OR8H2: variants seen among roughly 807,000 people sequenced by gnomAD.
OR8H2 encodes the protein olfactory receptor 8H2.
For synonymous variants in OR8H2, 157 were observed against 139.2 expected (o/e 1.13, Z -0.90); for missense variants, 374 against 371.1 (o/e 1.01, Z -0.06).
chr11:56,105,414 A>C lies in OR8H2; in HGVS notation c.372A>C (p.Ala124=). 6.2e-7 allele frequency: 1 copy of C among 1,614,150 alleles called. No homozygotes were observed. The highest frequency in any genetic ancestry group is 8.5e-7 in the Non-Finnish European group (1 of 1,180,026). The change falls in exon 2 of 2, where the codon GCA becomes GCC. Residue 124 remains alanine, a synonymous_variant. Coordinates refer to ENST00000313503, the MANE Select transcript of OR8H2 (RefSeq NM_001386064.1). ...CCTCAATGGCCCATGATCGCTATGC[A>C]GCGATCTGCAGTCCTCTACACTACA... ...LLSSMAHDRY[A]AICSPLHYTV... is the part of the protein sequence containing the mutation.
chr11:56,105,497 G>A lies in OR8H2; in HGVS notation c.455G>A (p.Gly152Asp). 1 of 1,614,114 alleles carries A rather than the reference G, an allele frequency of 6.2e-7. No individual in the cohort carries two copies. Among genetic ancestry groups the A allele is most frequent in the Non-Finnish European group, 8.5e-7 (1 of 1,180,010 alleles). Residue 152 changes from glycine to aspartate, a missense_variant, in exon 2 of 2, where the codon GGC (glycine) becomes GAC (aspartate). Coordinates refer to ENST00000313503, the MANE Select transcript of OR8H2 (RefSeq NM_001386064.1). ...LALITGPYVI[G>D]FIDSFVNVVS... ...CTCATCACTGGGCCTTATGTGATTG[G>A]CTTTATAGACTCCTTTGTCAACGTG...
In OR8H2 at chr11:56,105,958, C is replaced by T. The variant is rs1398749208; in HGVS notation, c.916C>T (p.Gln306Ter). ...EVKNAVIRVM[Q>*]RRQDSR is the part of the protein sequence containing the mutation. Reference sequence around the variant, plus strand: ...GAAAAATGCTGTCATCAGAGTCATGCAGAGAAGACAGGACTCCAGGTAATT... The same window carrying T: ...GAAAAATGCTGTCATCAGAGTCATGTAGAGAAGACAGGACTCCAGGTAATT... Residue 306 changes from glutamine (Q) to a stop codon, truncating the protein, a stop_gained, in exon 2 of 2, where the codon CAG becomes TAG. Transcript: ENST00000313503. LOFTEE classifies it low-confidence loss of function (END_TRUNC). 1.8e-5 allele frequency: 28 copies of T among 1,576,940 alleles called. No homozygotes were observed. The highest frequency in any genetic ancestry group is 2.2e-5 in the Non-Finnish European group (25 of 1,161,910).
Position 56,104,881 on chromosome 11 carries a change from C to A in OR8H2, c.-162C>A. The A allele has an allele frequency of 1.7e-6, 1 of 578,758 alleles. No individual in the cohort carries two copies. Among genetic ancestry groups the A allele is most frequent in the Non-Finnish European group, 3.0e-6 (1 of 336,248 alleles). 35.9% of individuals were successfully genotyped at this position (578,758 alleles called of 1,614,324 possible). On this transcript the variant is annotated 5_prime_UTR_variant, in exon 2 of 2. Coordinates refer to ENST00000313503, the MANE Select transcript of OR8H2 (RefSeq NM_001386064.1). ...TTGTTTTTTGAGTCAGAGTCTGGCA[C>A]AGTCGCCAGGGCTGGAATGCAATGG...
chr11:56,104,769 A>G, intron 1 of OR8H2, 103 bp from the exon 2 acceptor site: 2 of 339,038 alleles, frequency 5.9e-6, no homozygotes, highest in African/African-American at 2.1e-5. Context: ...CATATTCTAT[A>G]AATTTATTAG....
At position 56,107,098 on chromosome 11, in the gene OR8H2, AT is replaced by A. The variant is rs1474795182; in HGVS notation, c.*1123del. On this transcript the variant is annotated 3_prime_UTR_variant, in exon 2 of 2. Transcript: ENST00000313503. ...GTTGTCATCGACAACTCTAATATAA[AT>A]TTTTTCTTGGTACATGGACAAAATC... The A allele has an allele frequency of 1.3e-5, 2 of 151,824 alleles. No individual in the cohort carries two copies. Among genetic ancestry groups the A allele is most frequent in the Non-Finnish European group, 3.0e-5 (2 of 67,794 alleles). The allele number at this position is 151,824 out of a possible 1,614,324, so 9.4% of individuals were successfully genotyped here. A position where few individuals can be genotyped will look rare whatever the true frequency, so the allele number is the denominator to read the frequency against.
In OR8H2 at chr11:56,106,927, T is replaced by G. The variant is rs1854062451; in HGVS notation, c.*946T>G. 6.6e-6 allele frequency: 1 copy of G among 151,926 alleles called. No individual in the cohort carries two copies. Among genetic ancestry groups the G allele is most frequent in the Non-Finnish European group, 1.5e-5 (1 of 67,826 alleles). The allele number at this position is 151,926 out of a possible 1,614,324, so 9.4% of individuals were successfully genotyped here. A position where few individuals can be genotyped will look rare whatever the true frequency, so the allele number is the denominator to read the frequency against. The stretch of plus-strand genomic sequence containing the variant: ...CTTCTCTAATAAACCCATTTTCAGT[T>G]TTAGAAAAACAAATATTGAGTTTTG... On this transcript the variant is annotated 3_prime_UTR_variant, in exon 2 of 2. Transcript: ENST00000313503.
Position 56,105,884 on chromosome 11 carries a change from T to TG in OR8H2, c.843dup (p.Ile282AspfsTer10). On this transcript the variant is annotated frameshift_variant, in exon 2 of 2. Coordinates refer to ENST00000313503, the MANE Select transcript of OR8H2 (RefSeq NM_001386064.1). LOFTEE classifies it low-confidence loss of function (END_TRUNC). ...GTGGCTTCTGTTTTTTATACTATTG[T>TG]GATTCCCGTGCTGAATCCACTCATT... The TG allele has an allele frequency of 6.2e-7, 1 of 1,611,024 alleles. No individual in the cohort carries two copies. Among genetic ancestry groups the TG allele is most frequent in the Non-Finnish European group, 8.5e-7 (1 of 1,177,432 alleles).
chr11:56,106,006 T>C lies in OR8H2; in HGVS notation c.*25T>C, dbSNP rs530770204. 319 of 1,296,990 alleles carry C rather than the reference T, an allele frequency of 2.5e-4. No homozygotes were observed. The East Asian group carries it at 4.4e-3, about 18-fold the overall frequency. 80.3% of individuals were successfully genotyped at this position (1,296,990 alleles called of 1,614,324 possible). On this transcript the variant is annotated 3_prime_UTR_variant, in exon 2 of 2. Transcript: ENST00000313503. The stretch of plus-strand genomic sequence containing the variant: ...ATTAATATAGCAGGAATGCTGAACA[T>C]TTAAACTCATCTTTTCTTTCATTCC...
intron 1 of OR8H2, 47 bp downstream of exon 1, chr11:56,104,034 T>A (rs973765735): frequency 3.9e-5 from 6 of 152,080 alleles, no homozygotes; most frequent in African/African-American, 1.4e-4. Flanking sequence ...AGATTTTATT[T>A]CAGATGGAAT....
chr11:56,105,241 C>T lies in OR8H2; in HGVS notation c.199C>T (p.Leu67=), dbSNP rs764773331. ...HTPMYFFLTH[L]SFIDLSYSTV... Reference sequence around the variant, plus strand: ...TCCCATGTATTTTTTCCTTACTCACCTGTCATTTATTGACCTCAGTTACTC... The same window carrying T: ...TCCCATGTATTTTTTCCTTACTCACTTGTCATTTATTGACCTCAGTTACTC... Residue 67 remains leucine (L), a synonymous_variant, in exon 2 of 2, where the codon CTG becomes TTG. Transcript: ENST00000313503. The T allele has an allele frequency of 1.1e-5, 18 of 1,614,204 alleles. No individual in the cohort carries two copies. The highest frequency in any genetic ancestry group is 9.9e-5 in the South Asian group (9 of 91,088).
chr11:56,105,655 T>C lies in OR8H2; in HGVS notation c.613T>C (p.Ser205Pro). 3.7e-6 allele frequency: 6 copies of C among 1,614,152 alleles called. No homozygotes were observed. Among genetic ancestry groups the C allele is most frequent in the Non-Finnish European group, 5.1e-6 (6 of 1,179,948 alleles). Residue 205 changes from serine (S) to proline (P), a missense_variant, in exon 2 of 2, where the codon TCC (serine) becomes CCC (proline). Transcript: ENST00000313503. ...AATCCTGATATTCATTATTGTTGGT[T>C]CCACCCTGATGGTGTCCCTTTTCAC... ...TEILIFIIVGSTLMVSLFTIS... is the reference protein window; with the variant it reads ...TEILIFIIVGPTLMVSLFTIS...
Position 56,104,853 on chromosome 11 carries a change from T to G in OR8H2, c.-171-19T>G. 2.2e-6 allele frequency: 1 copy of G among 448,822 alleles called. No homozygotes were observed. 27.8% of individuals were successfully genotyped at this position (448,822 alleles called of 1,614,324 possible). ...AAACAGAAAGTTTTTTTTTGTTTGT[T>G]TTTTGTTTTTTGAGTCAGAGTCTGG... On this transcript the variant is annotated intron_variant, in intron 1 of 1. Transcript: ENST00000313503.
rs146796342 is a variant in OR8H2, at chr11:56,105,049, G to C, written c.7G>C (p.Gly3Arg). Reference sequence around the variant, plus strand: ...CAGTTTAGAGCAGGTGAACATGATGGGTAGAAGGAATAACACAAATGTGGC... The same window carrying C: ...CAGTTTAGAGCAGGTGAACATGATGCGTAGAAGGAATAACACAAATGTGGC... MM[G>R]RRNNTNVADF... Residue 3 changes from glycine (G) to arginine (R), a missense_variant, in exon 2 of 2, where the codon GGT (glycine) becomes CGT (arginine). Gly to Arg is a moderately radical substitution (Grantham distance 125). Coordinates refer to ENST00000313503, the MANE Select transcript of OR8H2 (RefSeq NM_001386064.1). 4.8e-5 allele frequency: 77 copies of C among 1,609,888 alleles called. No individual in the cohort carries two copies. In the South Asian group the frequency reaches 8.2e-4, roughly 17 times the overall value.
At position 56,105,050 on chromosome 11, in the gene OR8H2, G is replaced by GT. The variant is rs1814252847; in HGVS notation, c.9dup (p.Arg4Ter). On this transcript the variant is annotated frameshift_variant, in exon 2 of 2. Coordinates refer to ENST00000313503, the MANE Select transcript of OR8H2 (RefSeq NM_001386064.1). LOFTEE classifies it low-confidence loss of function (END_TRUNC). ...AGTTTAGAGCAGGTGAACATGATGGGTAGAAGGAATAACACAAATGTGGCT... is the reference window on the plus strand; with the variant it reads ...AGTTTAGAGCAGGTGAACATGATGGGTTAGAAGGAATAACACAAATGTGGCT... The GT allele has an allele frequency of 2.5e-6, 4 of 1,610,600 alleles. No homozygotes were observed. In the East Asian group the frequency reaches 8.9e-5, roughly 36 times the overall value.
rs1854046209 is a variant in OR8H2, at chr11:56,105,751, G to A, written c.709G>A (p.Ala237Thr). The A allele has an allele frequency of 3.1e-6, 5 of 1,613,906 alleles. No homozygotes were observed. In the East Asian group the frequency reaches 1.1e-4, roughly 36 times the overall value. The change falls in exon 2 of 2, where the codon GCT becomes ACT. Residue 237 changes from alanine (A) to threonine (T), a missense_variant. Coordinates refer to ENST00000313503, the MANE Select transcript of OR8H2 (RefSeq NM_001386064.1). ...KINSTSGKQK[A>T]FSTCVSHLLG... ...TAATTCCACTTCAGGAAAGCAGAAA[G>A]CTTTCTCTACTTGCGTCTCTCATCT...
At chr11:56,104,799 C>T (rs1854025598) in intron 1 of OR8H2, 73 bp from the exon 2 acceptor site, 1 of 400,394 alleles carries the variant, frequency 2.5e-6, no homozygotes, top group African/African-American at 2.0e-5. Context: ...GAAGGCTAAG[C>T]TAATTTTTAA....
At chr11:56,104,073 T>TAA in intron 1 of OR8H2, 86 bp downstream of exon 1, 1 of 152,078 alleles carries the variant, frequency 6.6e-6, no homozygotes, top group Non-Finnish European at 1.5e-5. Flanking sequence ...GAATAATATA[T>TAA]TAATACATAC....
intron 1 of OR8H2, among the ~76,000 whole-genome samples, chr11:56,104,502 T>G (rs1315669595): frequency 6.6e-6 from 1 of 152,194 alleles, no homozygotes; most frequent in Admixed American, 6.5e-5. Context: ...AGTGTCAACA[T>G]TGAATAGATC....
In OR8H2 at chr11:56,106,408, A is replaced by T. The variant is rs1243179041; in HGVS notation, c.*427A>T. On this transcript the variant is annotated 3_prime_UTR_variant, in exon 2 of 2. Coordinates refer to ENST00000313503, the MANE Select transcript of OR8H2 (RefSeq NM_001386064.1). ...GAATTATAGCAGAGTGGGTAGGAGTACCTATTTTGGAATAAAACTTCCCAA... is the reference window on the plus strand; with the variant it reads ...GAATTATAGCAGAGTGGGTAGGAGTTCCTATTTTGGAATAAAACTTCCCAA... 1 of 153,060 alleles carries T rather than the reference A, an allele frequency of 6.5e-6. No homozygotes were observed. The highest frequency in any genetic ancestry group is 2.4e-5 in the African/African-American group (1 of 41,446). 9.5% of individuals were successfully genotyped at this position (153,060 alleles called of 1,614,324 possible).
Sources: allele counts gnomAD v4.1 joint callset (sites outside exome capture counted in the v4.1 genomes callset), GRCh38; gene constraint gnomAD v4.1.1; transcripts MANE v1.5; gene names NCBI Gene and HGNC (gene_info 2026-07-23, HGNC 2026-07-21).